PRSS48: variants seen among roughly 807,000 people sequenced by gnomAD.
PRSS48 encodes serine protease 48.
A neutral mutation model predicts 25.6 loss-of-function variants in PRSS48; 21 were observed. The ratio of observed to expected loss-of-function variants is 0.82; its 90% confidence interval spans 0.58 to 1.18. PRSS48 has a LOEUF of 1.18. PRSS48 is among the 50% of genes most tolerant of loss of function. The probability of loss-of-function intolerance (pLI) is 0.00; values close to 1 mark genes in which losing one functional copy is unlikely to be tolerated. For missense variants in PRSS48, 373 were observed against 399.3 expected (o/e 0.93, Z 0.56); for synonymous variants, 150 against 149.3 (o/e 1.00, Z -0.04).
Position 151,279,678 on chromosome 4 carries a change from G to GT in PRSS48, c.53-117dup, listed in dbSNP as rs1773995292. 8 of 886,988 alleles carry GT rather than the reference G, an allele frequency of 9.0e-6. No homozygotes were observed. In the South Asian group the frequency reaches 9.9e-5, roughly 11 times the overall value. 54.9% of individuals were successfully genotyped at this position (886,988 alleles called of 1,614,324 possible). A position where few individuals can be genotyped will look rare whatever the true frequency, so the allele number is the denominator to read the frequency against. ...TGGAACCAGAATAGGATGGAGTATG[G>GT]TGTCTAGGGAGGGTTCAGGTCCTAG... On this transcript the variant is annotated intron_variant, in intron 1 of 4. Transcript: ENST00000455694.
intron 2 of PRSS48, among the ~76,000 whole-genome samples, chr4:151,280,259 C>T (rs1774086928): frequency 6.6e-6 from 1 of 152,154 alleles, no homozygotes; most frequent in Admixed American, 6.5e-5. Context: ...GCTCTAAGAG[C>T]CACTGCTGTG....
chr4:151,282,580 ATATTTT>A (rs1170520115), intron 3 of PRSS48, among the ~76,000 whole-genome samples, 167 bp downstream of exon 3: 1 of 152,186 alleles, frequency 6.6e-6, no homozygotes, highest in East Asian at 1.9e-4. Flanking sequence ...TTTGACATTT[ATATTTT>A]TATGTTATTT....
At chr4:151,282,757 C>G (rs777278921) in intron 3 of PRSS48, among the ~76,000 whole-genome samples, 6 of 151,404 alleles carry the variant, frequency 4.0e-5, no homozygotes, top group Admixed American at 6.6e-5. Flanking sequence ...TCAACTCTTT[C>G]CCAGGTTGGA....
chr4:151,287,006 T>TAATAAC (rs754234530), intron 4 of PRSS48, among the ~76,000 whole-genome samples: 1 of 148,344 alleles, frequency 6.7e-6, no homozygotes, highest in Non-Finnish European at 1.5e-5. Context: ...ATAATAATAA[T>TAATAAC]AATAGTAATT....
chr4:151,282,246 A>C, exon 3 of PRSS48: 1 of 1,613,974 alleles, frequency 6.2e-7, no homozygotes, highest in Non-Finnish European at 8.5e-7. Flanking sequence ...ATCGTCATCC[A>C]TCCCAAGTAC....
intron 2 of PRSS48, 123 bp downstream of exon 2, chr4:151,280,081 A>ACG: frequency 1.7e-6 from 2 of 1,170,380 alleles, no homozygotes. Flanking sequence ...AACCCAGGTC[A>ACG]TGTCAGACTA....
At chr4:151,277,315 G>A in intron 1 of PRSS48, 91 bp downstream of exon 1, 1 of 1,058,458 alleles carries the variant, frequency 9.4e-7, no homozygotes, top group Non-Finnish European at 1.3e-6. Context: ...TCACCCATGG[G>A]ATGTTAGTTA....
intron 4 of PRSS48, among the ~76,000 whole-genome samples, chr4:151,284,933 C>A (rs1201790537): frequency 1.3e-5 from 2 of 152,142 alleles, no homozygotes; most frequent in African/African-American, 4.8e-5. Flanking sequence ...GGGACTCTCG[C>A]TCTGTGGCTC....
chr4:151,287,599 T>G (rs1774932107), intron 4 of PRSS48, among the ~76,000 whole-genome samples: 1 of 151,966 alleles, frequency 6.6e-6, no homozygotes, highest in Non-Finnish European at 1.5e-5. Flanking sequence ...TACAAATGGG[T>G]ATGTGGGTTC....
intron 4 of PRSS48, among the ~76,000 whole-genome samples, chr4:151,290,810 C>T (rs956583885): frequency 6.6e-6 from 1 of 152,134 alleles, no homozygotes; most frequent in South Asian, 2.1e-4. Context: ...GAAATTAAGG[C>T]AGTTCATTCA....
At chr4:151,280,092 T>C (rs1002071776) in intron 2 of PRSS48, 134 bp downstream of exon 2, 13 of 1,089,190 alleles carry the variant, frequency 1.2e-5, no homozygotes, top group African/African-American at 3.2e-5. Context: ...TGTCAGACTA[T>C]CAAACCCGAA....
intron 4 of PRSS48, among the ~76,000 whole-genome samples, chr4:151,290,906 A>G (rs1326038769): frequency 2.0e-5 from 3 of 152,200 alleles, no homozygotes; most frequent in African/African-American, 4.8e-5. Flanking sequence ...GAAATTACTA[A>G]TATATTTCAC....
At chr4:151,279,421 A>G (rs1370285889) in intron 1 of PRSS48, among the ~76,000 whole-genome samples, 1 of 152,214 alleles carries the variant, frequency 6.6e-6, no homozygotes, top group African/African-American at 2.4e-5. Flanking sequence ...ATGTTTGTGA[A>G]GATTCCCACT....
chr4:151,283,190 C>T (rs1476817795), exon 4 of PRSS48: 2 of 1,613,894 alleles, frequency 1.2e-6, no homozygotes, highest in Middle Eastern at 1.6e-4. Context: ...AACAGCTCTA[C>T]AATCCCATCG....
chr4:151,290,242 G>A lies in PRSS48; in HGVS notation c.652-876G>A, dbSNP rs138895691. 6.8e-3 allele frequency among the ~76,000 whole-genome samples: 1,041 copies of A among 152,256 alleles called. 7 individuals are homozygous for A. The highest frequency in any genetic ancestry group is 0.023 in the African/African-American group (962 of 41,522). On this transcript the variant is annotated intron_variant, in intron 4 of 4. Coordinates refer to ENST00000455694, the Ensembl canonical transcript of PRSS48. ...TTACAGACACGAACCATCATGCTGGGCCATAGAAGCATTATTTATAATATA... is the reference window on the plus strand; with the variant it reads ...TTACAGACACGAACCATCATGCTGGACCATAGAAGCATTATTTATAATATA...
rs150331297 is a variant in PRSS48 at position 151,283,708 on chromosome 4, G to A, written c.651+422G>A. ...CACATACTTTTTTCATTTTTTTGTA[G>A]AGATGAGGTCTCACTATGTTGCCCA... is the stretch of plus-strand genomic sequence containing the variant. On this transcript the variant is annotated intron_variant, in intron 4 of 4. Transcript: ENST00000455694. Among the ~76,000 whole-genome samples the A allele has an allele frequency of 3.1e-3, 478 of 151,924 alleles. 1 individual carries two copies. The highest frequency in any genetic ancestry group is 5.0e-3 in the Non-Finnish European group (337 of 67,964).
intron 4 of PRSS48, among the ~76,000 whole-genome samples, chr4:151,286,761 A>G (rs1016781263): frequency 1.5e-4 from 23 of 151,590 alleles, no homozygotes; most frequent in African/African-American, 5.3e-4. Flanking sequence ...GGACAGGTCA[A>G]TTGAGGCCAG....
At chr4:151,280,205 T>A (rs569725742) in intron 2 of PRSS48, among the ~76,000 whole-genome samples, 4 of 82,580 alleles carry the variant, frequency 4.8e-5, no homozygotes, top group Admixed American at 2.7e-4. Context: ...TAAATACCAG[T>A]CAGGAGATTT....
chr4:151,286,323 A>G (rs1030383700), intron 4 of PRSS48, among the ~76,000 whole-genome samples: 1 of 151,264 alleles, frequency 6.6e-6, no homozygotes, highest in Non-Finnish European at 1.5e-5. Flanking sequence ...TTTTAAAAAG[A>G]TCAATAAAAT....
Sources: allele counts gnomAD v4.1 joint callset (sites outside exome capture counted in the v4.1 genomes callset), GRCh38; gene constraint gnomAD v4.1.1; transcripts MANE v1.5; gene names NCBI Gene and HGNC (gene_info 2026-07-23, HGNC 2026-07-21).